CLYBL: variants seen among roughly 807,000 people sequenced by gnomAD.
CLYBL encodes citramalyl-CoA lyase, mitochondrial.
In CLYBL, 31 loss-of-function variants were observed where a neutral mutation model predicts 38.9. That is an observed-to-expected ratio of 0.80 (90% CI 0.60 to 1.08). CLYBL has a LOEUF of 1.08. Ranked by LOEUF, CLYBL falls within the 50% of genes least tolerant of loss-of-function variation. The pLI is 0.00. For missense variants in CLYBL, 434 were observed against 411.6 expected, an observed-to-expected ratio of 1.05 and a Z score of -0.47; for synonymous variants, 171 against 158.6, an observed-to-expected ratio of 1.08 and a Z score of -0.59.
At chr13:99,615,485 C>T (rs1001904125) in intron 1 of CLYBL, among the ~76,000 whole-genome samples, 1 of 152,158 alleles carries the variant, frequency 6.6e-6, no homozygotes, top group Non-Finnish European at 1.5e-5. Flanking sequence ...ACCCTGAGTG[C>T]AGCTGGAGCT....
chr13:99,806,196 T>G (rs2050229566), intron 2 of CLYBL, among the ~76,000 whole-genome samples: 1 of 152,228 alleles, frequency 6.6e-6, no homozygotes, highest in Non-Finnish European at 1.5e-5. Context: ...TGTTATACAC[T>G]GCTGAAGTGT....
rs560148265 is a variant in CLYBL at position 99,710,352 on chromosome 13, G to C, written c.63-62472G>C. On this transcript the variant is annotated intron_variant, in intron 1 of 8. Transcript: ENST00000339105. ...GATGCATTCTGGACGAGGCAGTCAC[G>C]GGGCCGCACATGGCATTTGTTCTTC... Among the ~76,000 whole-genome samples, 122 of 152,246 alleles carry C rather than the reference G, an allele frequency of 8.0e-4. 1 individual carries two copies. The highest frequency in any genetic ancestry group is 2.7e-3 in the African/African-American group (112 of 41,536).
intron 1 of CLYBL, among the ~76,000 whole-genome samples, chr13:99,751,349 A>C (rs1221638988): frequency 6.6e-6 from 1 of 151,622 alleles, no homozygotes. Context: ...GCCTCCCAAA[A>C]AGCTGGGATT....
intron 2 of CLYBL, among the ~76,000 whole-genome samples, chr13:99,785,454 C>T (rs2049769177): frequency 6.6e-6 from 1 of 151,730 alleles, no homozygotes; most frequent in East Asian, 1.9e-4. Context: ...AACAATTAGT[C>T]TAAAATTCAT....
At chr13:99,787,912 C>T (rs2049832559) in intron 2 of CLYBL, among the ~76,000 whole-genome samples, 1 of 152,170 alleles carries the variant, frequency 6.6e-6, no homozygotes, top group Non-Finnish European at 1.5e-5. Flanking sequence ...AGAGGTCCTT[C>T]ACTTCCCTTG....
chr13:99,840,163 A>G (rs910040000), intron 2 of CLYBL, among the ~76,000 whole-genome samples: 1 of 151,694 alleles, frequency 6.6e-6, no homozygotes. Context: ...CAACCCTGCG[A>G]TGGTCAGAGA....
chr13:99,620,784 A>G (rs1016462958), intron 1 of CLYBL, among the ~76,000 whole-genome samples: 72 of 148,880 alleles, frequency 4.8e-4, no homozygotes, highest in African/African-American at 1.6e-3. Flanking sequence ...CAAAAAAAGA[A>G]AGAAAGAAAA....
At chr13:99,788,067 T>C (rs2049836217) in intron 2 of CLYBL, among the ~76,000 whole-genome samples, 2 of 152,256 alleles carry the variant, frequency 1.3e-5, no homozygotes, top group Admixed American at 6.5e-5. Flanking sequence ...GAGACTTTGC[T>C]GAAGTTGCTT....
intron 2 of CLYBL, among the ~76,000 whole-genome samples, chr13:99,848,340 A>G (rs1393407450): frequency 1.3e-5 from 2 of 152,134 alleles, no homozygotes; most frequent in African/African-American, 4.8e-5. Flanking sequence ...TGATTTATGG[A>G]TCTTTTCCCT....
At chr13:99,762,988 A>G (rs2049194065) in intron 1 of CLYBL, among the ~76,000 whole-genome samples, 1 of 152,220 alleles carries the variant, frequency 6.6e-6, no homozygotes, top group African/African-American at 2.4e-5. Flanking sequence ...GCTGGTGAAT[A>G]TAAATGCTGC....
chr13:99,904,833 G>A (rs9582352), intron 8 of CLYBL, among the ~76,000 whole-genome samples: 3 of 152,088 alleles, frequency 2.0e-5, no homozygotes, highest in Admixed American at 6.5e-5. Context: ...AGAGGTGAGC[G>A]TAGCTGCCCT....
intron 1 of CLYBL, among the ~76,000 whole-genome samples, chr13:99,718,380 A>G (rs948691725): frequency 6.6e-6 from 1 of 152,092 alleles, no homozygotes; most frequent in Non-Finnish European, 1.5e-5. Flanking sequence ...AAAAGAAAAA[A>G]AAAAAAAAAC....
At chr13:99,908,300 G>C (rs772567877) in exon 10 of CLYBL, among the ~76,000 whole-genome samples, 9 of 152,208 alleles carry the variant, frequency 5.9e-5, no homozygotes, top group Non-Finnish European at 1.3e-4. Context: ...CTGGTGTGAA[G>C]GGAGGTTTGG....
At chr13:99,681,972 A>G (rs1566608531) in intron 1 of CLYBL, among the ~76,000 whole-genome samples, 2 of 152,132 alleles carry the variant, frequency 1.3e-5, no homozygotes, top group Admixed American at 6.5e-5. Context: ...TCCTTAGGCA[A>G]TTTCATCGTT....
At chr13:99,608,579 G>A (rs1374464772) in intron 1 of CLYBL, among the ~76,000 whole-genome samples, 2 of 152,022 alleles carry the variant, frequency 1.3e-5, no homozygotes, top group Admixed American at 1.3e-4. Context: ...CTTTTGAGGG[G>A]GCCAGCGTCT....
chr13:99,852,161 T>A (rs1335946540), intron 2 of CLYBL, among the ~76,000 whole-genome samples: 1 of 152,210 alleles, frequency 6.6e-6, no homozygotes, highest in African/African-American at 2.4e-5. Flanking sequence ...AGAATAGTGG[T>A]TGCCTAGGTC....
At chr13:99,709,381 G>A (rs557235765) in intron 1 of CLYBL, among the ~76,000 whole-genome samples, 1 of 152,272 alleles carries the variant, frequency 6.6e-6, no homozygotes, top group South Asian at 2.1e-4. Context: ...CAGCAGCCCT[G>A]GCCGAAGACA....
chr13:99,674,623 C>G (rs746319220), intron 1 of CLYBL, among the ~76,000 whole-genome samples: 3 of 152,086 alleles, frequency 2.0e-5, no homozygotes, highest in Non-Finnish European at 4.4e-5. Context: ...CGTTTCCCCA[C>G]GAAGACCTCA....
downstream of CLYBL, among the ~76,000 whole-genome samples, chr13:99,900,470 C>A (rs1388334053): frequency 6.6e-6 from 1 of 152,050 alleles, no homozygotes; most frequent in Non-Finnish European, 1.5e-5. Context: ...TTTGTCCCGT[C>A]CCCTGATCTT....
Sources: gnomAD v4.1 joint callset for allele counts (sites outside exome capture counted in the v4.1 genomes callset) on GRCh38, gnomAD v4.1.1 for gene constraint, MANE v1.5 for transcripts, NCBI Gene and HGNC (gene_info 2026-07-23, HGNC 2026-07-21) for gene names.